Variants in PPP2R3A observed in about 807,000 individuals in gnomAD.
The protein encoded by PPP2R3A is protein phosphatase 2 regulatory subunit B''alpha, also known as serine/threonine-protein phosphatase 2A regulatory subunit B'' subunit alpha.
Under a neutral mutation model 106.9 loss-of-function variants are expected in PPP2R3A, and 80 were observed. The ratio of observed to expected loss-of-function variants is 0.75; its 90% CI spans 0.62 to 0.90. PPP2R3A has a LOEUF of 0.90. Among genes scored for constraint, PPP2R3A ranks in the 40% least tolerant of loss-of-function variants. The pLI is 0.00. For missense variants in PPP2R3A, 1,386 were observed against 1,350.4 expected, an observed-to-expected ratio of 1.03 and a Z score of -0.41; for synonymous variants, 483 against 468.3, an observed-to-expected ratio of 1.03 and a Z score of -0.41.
chr3:136,096,699 A>G (rs1211790936), intron 10 of PPP2R3A, among the ~76,000 whole-genome samples: 1 of 152,274 alleles, frequency 6.6e-6, no homozygotes, highest in Non-Finnish European at 1.5e-5. Context: ...CTGCCTAAGC[A>G]ATAATGGAGT....
chr3:136,125,441 T>G (rs1938145125), intron 13 of PPP2R3A, among the ~76,000 whole-genome samples: 1 of 152,200 alleles, frequency 6.6e-6, no homozygotes, highest in South Asian at 2.1e-4. Context: ...AAAATAATAG[T>G]AGGAGGGAAT....
At position 136,145,998 on chromosome 3, in the gene PPP2R3A, T is replaced by C. The variant is rs1386728103; in HGVS notation, c.*832T>C. On this transcript the variant is annotated 3_prime_UTR_variant, in exon 14 of 14. Transcript: ENST00000264977. ...TTTCACTTCCTATCAGAAGGCCTGCTTGAAGACATAAAGGAATAATGATAC... is the reference window on the plus strand; with the variant it reads ...TTTCACTTCCTATCAGAAGGCCTGCCTGAAGACATAAAGGAATAATGATAC... 6.6e-6 allele frequency: 1 copy of C among 152,198 alleles called. No homozygotes were observed. Among genetic ancestry groups the C allele is most frequent in the Non-Finnish European group, 1.5e-5 (1 of 68,034 alleles). The allele number at this position is 152,198 out of a possible 1,614,324, so 9.4% of individuals were successfully genotyped here.
At chr3:136,142,168 C>G (rs1340463750) in intron 13 of PPP2R3A, among the ~76,000 whole-genome samples, 1 of 152,140 alleles carries the variant, frequency 6.6e-6, no homozygotes, top group Non-Finnish European at 1.5e-5. Flanking sequence ...ACGAGAAGAG[C>G]TTATTAGTCC....
At chr3:136,114,883 A>G (rs1298207924) in intron 13 of PPP2R3A, among the ~76,000 whole-genome samples, 2 of 152,176 alleles carry the variant, frequency 1.3e-5, no homozygotes, top group African/African-American at 4.8e-5. Flanking sequence ...TCCCTGCCTG[A>G]TGGCTCTGAA....
intron 1 of PPP2R3A, among the ~76,000 whole-genome samples, chr3:135,995,321 T>C (rs896192244): frequency 1.1e-4 from 16 of 152,156 alleles, no homozygotes; most frequent in African/African-American, 3.9e-4. Context: ...TTTTATCTCA[T>C]CTAAGATTAT....
Position 136,145,123 on chromosome 3 carries a change from T to C in PPP2R3A, c.3410T>C (p.Leu1137Pro), listed in dbSNP as rs535866427. 5.8e-4 allele frequency: 939 copies of C among 1,613,682 alleles called. 14 individuals carry two copies. In the South Asian group the frequency reaches 9.2e-3, roughly 16 times the overall value. The stretch of plus-strand genomic sequence containing the variant: ...AGCAATAAAATATTAAGTGCAAGCC[T>C]TCCAGAGAAATGTGGAAAGCTTCAA... ...NKSNKILSAS[L>P]PEKCGKLQSV... Residue 1137 changes from leucine (L) to proline (P), a missense_variant, in exon 14 of 14, where the codon CTT becomes CCT. Physicochemically the swap from Leu to Pro is moderately conservative, Grantham distance 98. Transcript: ENST00000264977.
At chr3:136,127,155 A>G (rs1938212205) in intron 13 of PPP2R3A, among the ~76,000 whole-genome samples, 1 of 152,238 alleles carries the variant, frequency 6.6e-6, no homozygotes, top group African/African-American at 2.4e-5. Flanking sequence ...AAAGCTGGAC[A>G]GAGAATGACT....
At chr3:136,048,162 AAAT>A (rs1935539584) in intron 4 of PPP2R3A, among the ~76,000 whole-genome samples, 1 of 152,214 alleles carries the variant, frequency 6.6e-6, no homozygotes, top group African/African-American at 2.4e-5. Flanking sequence ...GCCATGACAG[AAAT>A]AATAAGCACA....
At chr3:136,087,667 A>G (rs773359282) in intron 8 of PPP2R3A, 18 of 444,902 alleles carry the variant, frequency 4.0e-5, no homozygotes, top group Admixed American at 7.8e-5. Flanking sequence ...GCATTCAACT[A>G]TATTAATACT....
intron 13 of PPP2R3A, among the ~76,000 whole-genome samples, chr3:136,117,358 C>G: frequency 6.6e-6 from 1 of 152,022 alleles, no homozygotes; most frequent in East Asian, 1.9e-4. Context: ...AAAAAGCTAG[C>G]AGAAGCCAAG....
At chr3:136,131,268 C>G (rs989036580) in intron 13 of PPP2R3A, among the ~76,000 whole-genome samples, 26 of 152,248 alleles carry the variant, frequency 1.7e-4, no homozygotes, top group African/African-American at 6.0e-4. Flanking sequence ...ATCTACCCAC[C>G]TGACAAAGGG....
chr3:136,062,789 G>T (rs1430984130), intron 5 of PPP2R3A, among the ~76,000 whole-genome samples: 1 of 151,402 alleles, frequency 6.6e-6, no homozygotes, highest in Admixed American at 6.6e-5. Context: ...ACAAATGGAA[G>T]AACATTCCAT....
chr3:136,001,242 T>A lies in PPP2R3A; in HGVS notation c.-257T>A, dbSNP rs151249293. 3.5e-5 allele frequency: 17 copies of A among 483,726 alleles called. No individual in the cohort carries two copies. The highest frequency in any genetic ancestry group is 2.9e-4 in the African/African-American group (15 of 50,872). 30.0% of individuals were successfully genotyped at this position (483,726 alleles called of 1,614,324 possible). The stretch of plus-strand genomic sequence containing the variant: ...TCATCAAAATAATTCTGCAGTATCA[T>A]AATATTACTAAATAAAATTAAAAAG... On this transcript the variant is annotated 5_prime_UTR_variant, in exon 2 of 14. Transcript: ENST00000264977.
intron 1 of PPP2R3A, among the ~76,000 whole-genome samples, chr3:135,967,944 T>G (rs554829619): frequency 1.1e-3 from 162 of 152,320 alleles, no homozygotes; most frequent in Non-Finnish European, 2.0e-3. Context: ...CCAGTAGCAC[T>G]CCACACACAC....
chr3:136,082,223 C>T, intron 7 of PPP2R3A, 42 bp from the exon 8 acceptor site: 2 of 1,516,528 alleles, frequency 1.3e-6, no homozygotes. Context: ...GCCAAAGCTG[C>T]TTTTTCATAA....
At chr3:136,014,966 A>G (rs929394901) in intron 2 of PPP2R3A, among the ~76,000 whole-genome samples, 3 of 152,132 alleles carry the variant, frequency 2.0e-5, no homozygotes, top group Admixed American at 6.5e-5. Context: ...TGGGTTTGTC[A>G]TAGATAGCTT....
chr3:135,993,065 C>A (rs1008400280), intron 1 of PPP2R3A, among the ~76,000 whole-genome samples: 3 of 151,848 alleles, frequency 2.0e-5, no homozygotes, highest in Admixed American at 2.0e-4. Flanking sequence ...AATGTATTAA[C>A]TATAAAAGAA....
At chr3:135,976,963 G>A (rs931570905) in intron 1 of PPP2R3A, among the ~76,000 whole-genome samples, 2 of 152,046 alleles carry the variant, frequency 1.3e-5, no homozygotes, top group Non-Finnish European at 2.9e-5. Context: ...GCATAAGTTG[G>A]TTTTAGGACT....
intron 2 of PPP2R3A, among the ~76,000 whole-genome samples, chr3:136,007,323 T>C (rs2107796511): frequency 6.6e-6 from 1 of 152,340 alleles, no homozygotes; most frequent in South Asian, 2.1e-4. Flanking sequence ...CTGCTTTGTC[T>C]CCTCAAATGG....
Sources: allele counts gnomAD v4.1 joint callset (sites outside exome capture counted in the v4.1 genomes callset), GRCh38; gene constraint gnomAD v4.1.1; transcripts MANE v1.5; gene names NCBI Gene and HGNC (gene_info 2026-07-23, HGNC 2026-07-21).